Variants in ACBD5 observed in about 807,000 individuals in gnomAD.
The protein encoded by ACBD5 is acyl-CoA binding domain containing 5.
ACBD5 carries 40 observed loss-of-function variants against 71.8 expected under a neutral mutation model. The ratio of observed to expected loss-of-function variants is 0.56; its 90% CI spans 0.43 to 0.72. The LOEUF is 0.72. ACBD5 is among the 30% of genes least tolerant of loss of function. ACBD5 has a pLI of 0.00. For missense variants in ACBD5, 559 were observed against 644.5 expected (o/e 0.87, Z 1.44); for synonymous variants, 229 against 218.6 (o/e 1.05, Z -0.42).
At chr10:27,235,309 G>T in intron 2 of ACBD5, 97 bp from the exon 3 acceptor site, 2 of 1,371,948 alleles carry the variant, frequency 1.5e-6, no homozygotes, top group Non-Finnish European at 2.1e-6. Context: ...ATTTTATATT[G>T]CATTAATACT....
intron 2 of ACBD5, among the ~76,000 whole-genome samples, chr10:27,237,117 T>C (rs2064814646): frequency 6.6e-6 from 1 of 151,678 alleles, no homozygotes; most frequent in Admixed American, 6.6e-5. Context: ...TGGTCACTTA[T>C]TTAAATAACA....
At chr10:27,224,774 T>G (rs2062795479) in intron 4 of ACBD5, among the ~76,000 whole-genome samples, 2 of 151,930 alleles carry the variant, frequency 1.3e-5, no homozygotes, top group African/African-American at 4.9e-5. Flanking sequence ...CTCACGCCTG[T>G]AATCCCAGCA....
intron 13 of ACBD5, among the ~76,000 whole-genome samples, chr10:27,188,070 C>A (rs7909135): frequency 0.68 from 103,718 of 152,050 alleles, 35,560 homozygotes; most frequent in Non-Finnish European, 0.7. Context: ...CCATCCCAAT[C>A]AACAGCCCTG....
intron 10 of ACBD5, 66 bp from the exon 11 acceptor site, chr10:27,205,314 C>T: frequency 6.6e-7 from 1 of 1,511,642 alleles, no homozygotes; most frequent in Non-Finnish European, 9.1e-7. Flanking sequence ...ATTCTATTTC[C>T]TATCTTTTTT....
chr10:27,200,555 C>T (rs1438820797), intron 12 of ACBD5, among the ~76,000 whole-genome samples: 1 of 152,054 alleles, frequency 6.6e-6, no homozygotes, highest in Non-Finnish European at 1.5e-5. Context: ...AGCAATTCCC[C>T]TGCCTCAACC....
chr10:27,235,114 C>A lies in ACBD5; in HGVS notation c.280G>T (p.Asp94Tyr). Residue 94 changes from aspartate to tyrosine, a missense_variant, in exon 3 of 13, where the codon GAT (aspartate) becomes TAT (tyrosine). Transcript: ENST00000396271. ...TACCATTTATATCTTCCAATAGGAT[C>A]CCAAAATCCAGGCCTTGAAAGTTTA... ...PCKLSRPGFW[D>Y]PIGRYKWDAW... 6.2e-7 allele frequency: 1 copy of A among 1,613,920 alleles called. No individual in the cohort carries two copies. Among genetic ancestry groups the A allele is most frequent in the Non-Finnish European group, 8.5e-7 (1 of 1,179,916 alleles).
downstream of ACBD5, among the ~76,000 whole-genome samples, chr10:27,193,117 G>T (rs2059149902): frequency 2.7e-4 from 1 of 3,732 alleles, no homozygotes; most frequent in African/African-American, 2.9e-3. Context: ...CTTCCTTCGT[G>T]TGTGTGTGTG....
intron 13 of ACBD5, among the ~76,000 whole-genome samples, chr10:27,189,813 CATA>C (rs1355538623): frequency 1.3e-5 from 2 of 150,752 alleles, no homozygotes; most frequent in African/African-American, 4.9e-5. Flanking sequence ...TTCACAACGG[CATA>C]ATGTTTATTG....
chr10:27,240,655 C>G lies in ACBD5; in HGVS notation c.15+19G>C, dbSNP rs1361351498. Reference sequence around the variant, plus strand: ...CTAAGGCCACGAATCCGGCCCGCGACGACAGCAAAACAACTCACCGAGAGG... The same window carrying G: ...CTAAGGCCACGAATCCGGCCCGCGAGGACAGCAAAACAACTCACCGAGAGG... On this transcript the variant is annotated intron_variant, in intron 1 of 12. Coordinates refer to ENST00000396271, the MANE Select transcript of ACBD5 (RefSeq NM_145698.5). This position sits in a 1 kb window ranked among gnomAD's most constrained non-coding sequence, Gnocchi z 4.1. 3 of 1,550,964 alleles carry G rather than the reference C, an allele frequency of 1.9e-6. No homozygotes were observed. Among genetic ancestry groups the G allele is most frequent in the Non-Finnish European group, 1.7e-6 (2 of 1,146,978 alleles).
At chr10:27,198,115 C>T (rs902792518) in intron 12 of ACBD5, among the ~76,000 whole-genome samples, 8 of 152,152 alleles carry the variant, frequency 5.3e-5, no homozygotes, top group Non-Finnish European at 8.8e-5. Flanking sequence ...AATAGATGTA[C>T]GACCTGGAGT....
chr10:27,194,185 A>C (rs2059202091), downstream of ACBD5, among the ~76,000 whole-genome samples: 1 of 149,364 alleles, frequency 6.7e-6, no homozygotes, highest in South Asian at 2.1e-4. Flanking sequence ...TGGGAGGTGG[A>C]GGTTGCAGTG....
chr10:27,224,117 C>T (rs2062705584), intron 4 of ACBD5, among the ~76,000 whole-genome samples: 1 of 150,968 alleles, frequency 6.6e-6, no homozygotes, highest in South Asian at 2.1e-4. Flanking sequence ...AATCCCAGCA[C>T]TTTGGCAGGC....
chr10:27,240,536 C>G lies in ACBD5; in HGVS notation c.16-52G>C, dbSNP rs780035887. ...CAACATGCCCCAAAAGGAGGAGGCC[C>G]GGGAGCGAAGCGGGTCAGTTCCCCT... On this transcript the variant is annotated intron_variant, in intron 1 of 12. Transcript: ENST00000396271. The surrounding 1 kb of genome is among the most constrained non-coding windows in gnomAD (Gnocchi z 4.1). The G allele has an allele frequency of 1.5e-5, 24 of 1,555,382 alleles. No individual in the cohort carries two copies. The African/African-American group carries it at 2.6e-4, about 17-fold the overall frequency.
Position 27,210,846 on chromosome 10 carries a change from GT to G in ACBD5, c.1171del (p.Thr391LeufsTer18). 6.2e-7 allele frequency: 1 copy of G among 1,614,170 alleles called. No homozygotes were observed. ...APHREKRGGE[T>X]DEFSNVRRGR... ...TCTTCTAACATTAGAGAATTCGTCA[GT>G]TTCTCCGCCTCGCTTCTCCCGGTGT... On this transcript the variant is annotated frameshift_variant, in exon 9 of 13. Coordinates refer to ENST00000396271, the MANE Select transcript of ACBD5 (RefSeq NM_145698.5). LOFTEE classifies it high-confidence loss of function.
intron 12 of ACBD5, among the ~76,000 whole-genome samples, chr10:27,203,474 C>T (rs1970541): frequency 0.031 from 4,654 of 152,280 alleles, 76 homozygotes; most frequent in African/African-American, 0.036. Flanking sequence ...CACAGTGGCT[C>T]GTGCCTGTAA....
intron 2 of ACBD5, among the ~76,000 whole-genome samples, chr10:27,239,406 T>C (rs938373041): frequency 1.3e-5 from 2 of 152,102 alleles, no homozygotes; most frequent in African/African-American, 4.8e-5. Context: ...AAAAACCACA[T>C]CTACTAGTCA....
chr10:27,205,501 T>C (rs941054974), intron 10 of ACBD5, among the ~76,000 whole-genome samples: 3 of 152,142 alleles, frequency 2.0e-5, no homozygotes, highest in Admixed American at 1.3e-4. Context: ...CAAACAATAC[T>C]TTAATGCTTT....
intron 6 of ACBD5, among the ~76,000 whole-genome samples, chr10:27,219,319 A>AC (rs2062045598): frequency 7.3e-5 from 11 of 150,966 alleles, no homozygotes; most frequent in African/African-American, 2.4e-4. Flanking sequence ...AAAAAAACAA[A>AC]AAAAAAACAC....
intron 12 of ACBD5, among the ~76,000 whole-genome samples, chr10:27,203,208 A>G (rs2060116328): frequency 6.6e-6 from 1 of 151,822 alleles, no homozygotes; most frequent in Non-Finnish European, 1.5e-5. Flanking sequence ...CTGTTCTTGA[A>G]TTCCTGGGCT....
Sources: allele counts gnomAD v4.1 joint callset (sites outside exome capture counted in the v4.1 genomes callset), GRCh38; gene constraint gnomAD v4.1.1; non-coding constraint Gnocchi (gnomAD v3.1); transcripts MANE v1.5; gene names NCBI Gene and HGNC (gene_info 2026-07-23, HGNC 2026-07-21).